ZDHHC11: variants seen among roughly 807,000 people sequenced by gnomAD.
The protein encoded by ZDHHC11 is palmitoyltransferase ZDHHC11.
A neutral mutation model predicts 51.3 loss-of-function variants in ZDHHC11; 44 were observed. The ratio of observed to expected loss-of-function variants is 0.86; its 90% CI spans 0.67 to 1.10. The LOEUF (loss-of-function observed/expected upper bound fraction) is 1.10. ZDHHC11 is among the 50% of genes least tolerant of loss of function. The pLI, the probability that ZDHHC11 is intolerant of heterozygous loss-of-function variation, is 0.00. For missense variants in ZDHHC11, 400 were observed against 537.7 expected (o/e 0.74, Z 2.53); for synonymous variants, 163 against 222.0 (o/e 0.73, Z 2.36).
Position 800,844 on chromosome 5 carries a change from A to C in ZDHHC11, c.*7+256T>G, listed in dbSNP as rs150649957. ...ACTTAAAGGCAAGTATGGAAATGAG[A>C]GGTGTTCAATCTATACATTGTTTAC... On this transcript the variant is annotated intron_variant, in intron 12 of 12. Coordinates refer to ENST00000283441, the MANE Select transcript of ZDHHC11 (RefSeq NM_024786.3). 1.2e-4 allele frequency among the ~76,000 whole-genome samples: 18 copies of C among 151,312 alleles called. 1 individual carries two copies. The highest frequency in any genetic ancestry group is 4.0e-4 in the Admixed American group (6 of 15,188).
intron 11 of ZDHHC11, among the ~76,000 whole-genome samples, chr5:806,130 G>A (rs2150296533): frequency 6.6e-6 from 1 of 151,140 alleles, no homozygotes; most frequent in South Asian, 2.1e-4. Flanking sequence ...TGGGAGAGAG[G>A]GAGTACTTAC....
At chr5:835,019 T>A (rs1213440011) in intron 6 of ZDHHC11, among the ~76,000 whole-genome samples, 1 of 151,954 alleles carries the variant, frequency 6.6e-6, no homozygotes, top group Admixed American at 6.6e-5. Flanking sequence ...ATTTTCAATT[T>A]TGGTAAAGTC....
At chr5:802,646 C>G (rs541448005) in intron 11 of ZDHHC11, among the ~76,000 whole-genome samples, 1 of 149,796 alleles carries the variant, frequency 6.7e-6, no homozygotes, top group Admixed American at 6.6e-5. Context: ...AACTCTGCAA[C>G]CTGGTCAGAC....
intron 9 of ZDHHC11, among the ~76,000 whole-genome samples, chr5:820,300 A>G (rs1324982017): frequency 6.6e-6 from 1 of 151,642 alleles, no homozygotes; most frequent in Non-Finnish European, 1.5e-5. Context: ...TAAGAAAAGC[A>G]ATTTCATAGA....
chr5:841,608 C>A, intron 4 of ZDHHC11: 1 of 994,994 alleles, frequency 1.0e-6, no homozygotes, highest in Non-Finnish European at 1.2e-6. Context: ...TGCTCATGGC[C>A]CACTCTGTGT....
intron 10 of ZDHHC11, among the ~76,000 whole-genome samples, chr5:818,287 G>A (rs1361025394): frequency 2.0e-5 from 3 of 151,632 alleles, no homozygotes; most frequent in Admixed American, 6.6e-5. Context: ...CATGGAGTGA[G>A]GGAACGTTGG....
upstream of ZDHHC11, among the ~76,000 whole-genome samples, chr5:853,657 G>C (rs1747665896): frequency 6.7e-6 from 1 of 150,268 alleles, no homozygotes; most frequent in South Asian, 2.1e-4. Flanking sequence ...AGACCCCACA[G>C]AGGACAGCGA....
intron 7 of ZDHHC11, among the ~76,000 whole-genome samples, chr5:827,914 A>C (rs1182296155): frequency 6.6e-6 from 1 of 150,980 alleles, no homozygotes; most frequent in Non-Finnish European, 1.5e-5. Context: ...GTCCCTGGGT[A>C]CTTGAGATTA....
chr5:802,323 C>T lies in ZDHHC11; in HGVS notation c.1182-1159G>A, dbSNP rs577227216. On this transcript the variant is annotated intron_variant, in intron 11 of 12. Transcript: ENST00000283441. Reference sequence around the variant, plus strand: ...GAAGGAAGTGACAGGACTCAGTAAGCAAAGGAGAACTGGGGTATCACCAAA... The same window carrying T: ...GAAGGAAGTGACAGGACTCAGTAAGTAAAGGAGAACTGGGGTATCACCAAA... Among the ~76,000 whole-genome samples the T allele has an allele frequency of 1.1e-3, 159 of 151,118 alleles. 5 individuals carry two copies. The highest frequency in any genetic ancestry group is 3.5e-3 in the African/African-American group (146 of 41,184).
intron 3 of ZDHHC11, among the ~76,000 whole-genome samples, chr5:845,202 C>G (rs1579780933): frequency 6.6e-6 from 1 of 152,292 alleles, no homozygotes; most frequent in East Asian, 1.9e-4. Flanking sequence ...ACTGCCTTCC[C>G]TCTCACAGCT....
In ZDHHC11 at chr5:848,486, T is replaced by A; in HGVS notation, c.397A>T (p.Thr133Ser). ...TCGGCGAGGGCGGGCACTCACACGG[T>A]GACCTTGCACAGGTGGCAGAACTGA... ...QNQFCHLCKV[T>S]VNKKTKHCIS... Residue 133 changes from threonine (T) to serine (S), a missense_variant, in exon 2 of 13, where the codon ACC becomes TCC. Thr to Ser is a moderately conservative substitution (Grantham distance 58). Transcript: ENST00000283441. 1.4e-6 allele frequency: 2 copies of A among 1,408,556 alleles called. No individual in the cohort carries two copies. The highest frequency in any genetic ancestry group is 2.8e-5 in the South Asian group (2 of 71,658). 87.3% of individuals were successfully genotyped at this position (1,408,556 alleles called of 1,614,324 possible).
At chr5:850,215 G>A in intron 1 of ZDHHC11, 166 bp downstream of exon 1, 2 of 750,668 alleles carry the variant, frequency 2.7e-6, no homozygotes, top group Non-Finnish European at 4.4e-6. Context: ...GCTGCACAGA[G>A]CATGAGTGGC....
chr5:841,238 G>A, intron 4 of ZDHHC11: 3 of 1,030,328 alleles, frequency 2.9e-6, no homozygotes, highest in Non-Finnish European at 3.5e-6. Flanking sequence ...GCTCTGCCGG[G>A]CCCCAGCACC....
At chr5:842,578 C>G (rs1482371846) in intron 4 of ZDHHC11, 1 of 986,024 alleles carries the variant, frequency 1.0e-6, no homozygotes, top group African/African-American at 1.7e-5. Flanking sequence ...GTGTGCAGTG[C>G]GGGTGCAGCC....
intron 10 of ZDHHC11, chr5:816,616 T>C (rs1290666452): frequency 1.6e-5 from 10 of 628,144 alleles, no homozygotes; most frequent in Non-Finnish European, 2.8e-5. Context: ...CAATCTCCTG[T>C]TGCTTTGCCA....
At chr5:842,318 G>C in intron 4 of ZDHHC11, 1 of 986,668 alleles carries the variant, frequency 1.0e-6, no homozygotes, top group Non-Finnish European at 1.2e-6. Context: ...GAACGCAACA[G>C]GCATCGTCCT....
chr5:825,078 C>A (rs1199460075), intron 8 of ZDHHC11, 86 bp downstream of exon 8: 17 of 1,370,406 alleles, frequency 1.2e-5, no homozygotes, highest in Admixed American at 1.7e-5. Flanking sequence ...CTGAATACTG[C>A]CTTAACCTCA....
intron 11 of ZDHHC11, among the ~76,000 whole-genome samples, chr5:812,856 A>C (rs1045952855): frequency 6.6e-6 from 1 of 151,040 alleles, no homozygotes; most frequent in African/African-American, 2.4e-5. Flanking sequence ...TCCTGACAAG[A>C]ATAAAACACA....
chr5:835,713 T>G (rs1481570125), intron 6 of ZDHHC11, among the ~76,000 whole-genome samples: 2 of 151,978 alleles, frequency 1.3e-5, no homozygotes, highest in Non-Finnish European at 2.9e-5. Flanking sequence ...TAATAGTATT[T>G]TTTTCCAATC....
Sources: gnomAD v4.1 joint callset for allele counts (sites outside exome capture counted in the v4.1 genomes callset) on GRCh38, gnomAD v4.1.1 for gene constraint, MANE v1.5 for transcripts, NCBI Gene and HGNC (gene_info 2026-07-23, HGNC 2026-07-21) for gene names.